The following PRKCA variants were observed in gnomAD, a reference collection of about 807,000 sequenced individuals.
PRKCA encodes protein kinase C alpha type.
In PRKCA, 27 loss-of-function variants were observed where a neutral mutation model predicts 87.0. The observed-to-expected ratio is 0.31, with a 90% CI of 0.23 to 0.43. PRKCA has a LOEUF of 0.43. PRKCA is among the 20% of genes least tolerant of loss of function. The pLI, the probability that PRKCA is intolerant of heterozygous loss-of-function variation, is 1.00. For synonymous variants in PRKCA, 329 were observed against 311.1 expected (o/e 1.06, Z -0.61); for missense variants, 518 against 852.3 (o/e 0.61, Z 4.88).
At chr17:66,336,778 GTGTGTGTGTGTGTGTGT>G (rs1567777941) in intron 2 of PRKCA, among the ~76,000 whole-genome samples, 2 of 135,766 alleles carry the variant, frequency 1.5e-5, no homozygotes, top group African/African-American at 5.0e-5. Flanking sequence ...GTGTGTGTGT[GTGTGTGTGTGTGTGTGT>G]GTGTGTGTTT....
chr17:66,324,447 C>CAAAAA (rs61047065), intron 2 of PRKCA, among the ~76,000 whole-genome samples: 6 of 90,656 alleles, frequency 6.6e-5, no homozygotes, highest in African/African-American at 1.3e-4. Flanking sequence ...ACTAAAAATA[C>CAAAAA]AAAAAAAAAA....
At chr17:66,602,963 A>C (rs975280870) in intron 3 of PRKCA, among the ~76,000 whole-genome samples, 1 of 152,120 alleles carries the variant, frequency 6.6e-6, no homozygotes, top group Admixed American at 6.5e-5. Flanking sequence ...CACTTTGCTG[A>C]GTCTCTCTTT....
At chr17:66,709,872 G>C (rs1973280591) in intron 8 of PRKCA, among the ~76,000 whole-genome samples, 1 of 151,966 alleles carries the variant, frequency 6.6e-6, no homozygotes, top group Admixed American at 6.6e-5. Context: ...ACAAAATCTT[G>C]TTACTAATAG....
At chr17:66,417,966 T>C (rs1188585259) in intron 2 of PRKCA, among the ~76,000 whole-genome samples, 1 of 152,196 alleles carries the variant, frequency 6.6e-6, no homozygotes, top group Non-Finnish European at 1.5e-5. Flanking sequence ...CACAGCAATG[T>C]TGCACACTCT....
chr17:66,612,381 CAAAAAA>C (rs1200272317), intron 3 of PRKCA, among the ~76,000 whole-genome samples: 3 of 87,858 alleles, frequency 3.4e-5, no homozygotes, highest in East Asian at 3.4e-4. Flanking sequence ...AAATCTGTCT[CAAAAAA>C]AAAAAAAAAA....
chr17:66,663,738 G>A (rs1346278743), intron 5 of PRKCA, among the ~76,000 whole-genome samples: 1 of 152,202 alleles, frequency 6.6e-6, no homozygotes, highest in African/African-American at 2.4e-5. Context: ...TCTTGTGCCA[G>A]GCAGGACTGA....
intron 2 of PRKCA, among the ~76,000 whole-genome samples, chr17:66,399,741 C>T (rs1054644290): frequency 4.6e-5 from 7 of 152,208 alleles, no homozygotes; most frequent in African/African-American, 7.2e-5. Context: ...TTTCACTTAG[C>T]GTACTATCCT....
intron 8 of PRKCA, among the ~76,000 whole-genome samples, chr17:66,711,694 C>G (rs1485831922): frequency 6.6e-6 from 1 of 152,144 alleles, no homozygotes; most frequent in Admixed American, 6.5e-5. Context: ...TTTAAACCCT[C>G]AAATGCTCGG....
rs182634171 is a variant in PRKCA at position 66,693,934 on chromosome 17, A to G, written c.918+4887A>G. 2.6e-5 allele frequency among the ~76,000 whole-genome samples: 4 copies of G among 152,278 alleles called. No individual in the cohort carries two copies. The East Asian group carries it at 7.8e-4, about 30-fold the overall frequency. ...CCCGTAGGCTCTAGAATCAAATCCT[A>G]GTTTAGTCACTTATTTACTATGTGA... On this transcript the variant is annotated intron_variant, in intron 8 of 16. Transcript: ENST00000413366.
At chr17:66,371,598 A>G (rs1268760865) in intron 2 of PRKCA, among the ~76,000 whole-genome samples, 1 of 152,216 alleles carries the variant, frequency 6.6e-6, no homozygotes, top group Non-Finnish European at 1.5e-5. Flanking sequence ...TAATAACAGC[A>G]TAAGAGCACT....
intron 5 of PRKCA, among the ~76,000 whole-genome samples, chr17:66,653,213 A>G (rs570670013): frequency 6.6e-6 from 1 of 152,358 alleles, no homozygotes; most frequent in African/African-American, 2.4e-5. Flanking sequence ...GAGCTTGTAT[A>G]TGACCCCCAT....
intron 2 of PRKCA, among the ~76,000 whole-genome samples, chr17:66,356,983 T>C (rs887687517): frequency 6.6e-6 from 1 of 152,206 alleles, no homozygotes; most frequent in Non-Finnish European, 1.5e-5. Context: ...GGTCTTGAAC[T>C]CCTGGGCTCA....
chr17:66,743,908 A>G lies in PRKCA; in HGVS notation c.1524+1148A>G, dbSNP rs146252072. Among the ~76,000 whole-genome samples, 41 of 152,276 alleles carry G rather than the reference A, an allele frequency of 2.7e-4. No individual in the cohort carries two copies. The East Asian group carries it at 7.7e-3, about 29-fold the overall frequency. ...TCAATCTGGAATCTGTTATTTACAG[A>G]CTGTGGGAACTCGGGTGAGTTACTT... On this transcript the variant is annotated intron_variant, in intron 13 of 16. Transcript: ENST00000413366.
chr17:66,315,946 G>A (rs1182070178), intron 2 of PRKCA, among the ~76,000 whole-genome samples: 3 of 152,166 alleles, frequency 2.0e-5, no homozygotes, highest in Non-Finnish European at 4.4e-5. Flanking sequence ...CATCTATCAC[G>A]TACATTATAT....
intron 3 of PRKCA, among the ~76,000 whole-genome samples, chr17:66,563,206 A>G (rs775544159): frequency 6.6e-6 from 1 of 152,122 alleles, no homozygotes; most frequent in Non-Finnish European, 1.5e-5. Flanking sequence ...TCCATGGTCT[A>G]CATTAGGGTT....
At chr17:66,788,046 C>T (rs1975443217) in intron 15 of PRKCA, among the ~76,000 whole-genome samples, 1 of 152,202 alleles carries the variant, frequency 6.6e-6, no homozygotes, top group Non-Finnish European at 1.5e-5. Flanking sequence ...GATATGCACA[C>T]ACTTTGGTTG....
intron 2 of PRKCA, among the ~76,000 whole-genome samples, chr17:66,359,774 C>A (rs114041808): frequency 6.6e-6 from 1 of 152,092 alleles, no homozygotes; most frequent in Admixed American, 6.6e-5. Context: ...TCAAGTATGT[C>A]GGGAACAGAA....
At chr17:66,520,317 C>T (rs1356775535) in intron 3 of PRKCA, among the ~76,000 whole-genome samples, 2 of 151,988 alleles carry the variant, frequency 1.3e-5, no homozygotes, top group Admixed American at 6.6e-5. Context: ...GATGAGGTTT[C>T]GCCATGTTGG....
intron 16 of PRKCA, among the ~76,000 whole-genome samples, chr17:66,790,394 C>T (rs1041328565): frequency 6.6e-6 from 1 of 151,996 alleles, no homozygotes; most frequent in African/African-American, 2.4e-5. Context: ...TTTAGTCAGC[C>T]CTGCACACTG....
Sources: gnomAD v4.1 joint callset for allele counts (sites outside exome capture counted in the v4.1 genomes callset) on GRCh38, gnomAD v4.1.1 for gene constraint, MANE v1.5 for transcripts, NCBI Gene and HGNC (gene_info 2026-07-23, HGNC 2026-07-21) for gene names.